Variants in ENTREP2 observed in about 807,000 individuals in gnomAD.
ENTREP2 encodes protein ENTREP2.
At chr15:29,469,067 G>C in the ENTREP2 span, among the ~76,000 whole-genome samples, 1 of 151,472 alleles carries the variant, frequency 6.6e-6, no homozygotes, top group Non-Finnish European at 1.5e-5. Flanking sequence ...ACCCCATCCC[G>C]ATAGCCCCCT....
the ENTREP2 span, among the ~76,000 whole-genome samples, chr15:29,548,640 A>T: frequency 6.6e-6 from 1 of 152,200 alleles, no homozygotes; most frequent in Admixed American, 6.5e-5. Flanking sequence ...TAGTAAAACT[A>T]TTAAAGAAGA....
the ENTREP2 span, among the ~76,000 whole-genome samples, chr15:29,175,961 C>T: frequency 3.3e-5 from 5 of 152,332 alleles, no homozygotes; most frequent in South Asian, 8.3e-4. Context: ...CTCATGACTA[C>T]TTCTTTTACT....
chr15:29,502,046 A>C, the ENTREP2 span, among the ~76,000 whole-genome samples: 1 of 152,032 alleles, frequency 6.6e-6, no homozygotes. Context: ...AAATATATCT[A>C]ATGTTAATGG....
the ENTREP2 span, among the ~76,000 whole-genome samples, chr15:29,179,060 A>G: frequency 6.6e-6 from 1 of 152,188 alleles, no homozygotes. Flanking sequence ...TGTATTTGTT[A>G]TATGTTTATG....
chr15:29,277,012 GA>G, the ENTREP2 span, among the ~76,000 whole-genome samples: 5 of 152,286 alleles, frequency 3.3e-5, no homozygotes, highest in East Asian at 9.7e-4. Context: ...AGGGGTAAGG[GA>G]GAGACAAATT....
chr15:29,152,612 C>T, the ENTREP2 span, among the ~76,000 whole-genome samples: 1 of 152,310 alleles, frequency 6.6e-6, no homozygotes, highest in South Asian at 2.1e-4. Context: ...TAGTTGACTT[C>T]TTTTTATTGC....
chr15:29,427,611 G>C, the ENTREP2 span, among the ~76,000 whole-genome samples: 1 of 151,880 alleles, frequency 6.6e-6, no homozygotes, highest in Non-Finnish European at 1.5e-5. Flanking sequence ...TTCCATCCTC[G>C]CCTCTCCTTC....
the ENTREP2 span, among the ~76,000 whole-genome samples, chr15:29,167,960 G>A: frequency 1.3e-5 from 2 of 152,154 alleles, no homozygotes; most frequent in South Asian, 2.1e-4. Context: ...AAGGAACGGT[G>A]GTATATATAT....
the ENTREP2 span, among the ~76,000 whole-genome samples, chr15:29,564,287 C>T: frequency 6.6e-6 from 1 of 152,230 alleles, no homozygotes; most frequent in South Asian, 2.1e-4. Context: ...AGCTCTAGAA[C>T]TTTGAAGTCC....
chr15:29,663,529 A>G, the ENTREP2 span, among the ~76,000 whole-genome samples: 2 of 152,228 alleles, frequency 1.3e-5, no homozygotes, highest in Non-Finnish European at 2.9e-5. Context: ...AATACTGTGC[A>G]GCCATAAAAA....
At chr15:29,332,473 T>C in the ENTREP2 span, among the ~76,000 whole-genome samples, 1 of 152,320 alleles carries the variant, frequency 6.6e-6, no homozygotes, top group South Asian at 2.1e-4. Flanking sequence ...CTAAAAAGCT[T>C]TGAGTTTTTT....
the ENTREP2 span, among the ~76,000 whole-genome samples, chr15:29,250,268 A>T: frequency 6.6e-6 from 1 of 152,178 alleles, no homozygotes; most frequent in Non-Finnish European, 1.5e-5. Flanking sequence ...CCCCAAGCAA[A>T]TGAACACACT....
At chr15:29,266,287 C>T in the ENTREP2 span, 1 of 152,124 alleles carries the variant, frequency 6.6e-6, no homozygotes, top group African/African-American at 2.4e-5. Context: ...ACTGAAAAGG[C>T]CAAGTGTTCA....
chr15:29,671,866 T>C, the ENTREP2 span, among the ~76,000 whole-genome samples: 1 of 152,084 alleles, frequency 6.6e-6, no homozygotes, highest in South Asian at 2.1e-4. Flanking sequence ...TGCCACAGTG[T>C]CCCCCAAGGA....
the ENTREP2 span, among the ~76,000 whole-genome samples, chr15:29,652,548 G>A: frequency 5.3e-5 from 8 of 152,348 alleles, no homozygotes; most frequent in East Asian, 1.9e-4. Context: ...CCTTTAGGGA[G>A]CCCAGACCTG....
the ENTREP2 span, among the ~76,000 whole-genome samples, chr15:29,157,288 C>A: frequency 6.6e-6 from 1 of 152,230 alleles, no homozygotes; most frequent in Non-Finnish European, 1.5e-5. Context: ...CTTCACCTTG[C>A]GGATGTCCTT....
chr15:29,412,825 TTATG>T, the ENTREP2 span, among the ~76,000 whole-genome samples: 1 of 152,096 alleles, frequency 6.6e-6, no homozygotes, highest in African/African-American at 2.4e-5. Flanking sequence ...ATTTCTATTC[TTATG>T]TATTATGTTC....
At chr15:29,653,495 T>C in the ENTREP2 span, among the ~76,000 whole-genome samples, 1 of 152,184 alleles carries the variant, frequency 6.6e-6, no homozygotes. Context: ...GGTAACTGAA[T>C]CATGGGGCAG....
chr15:29,486,935 T>C, the ENTREP2 span, among the ~76,000 whole-genome samples: 8 of 152,268 alleles, frequency 5.3e-5, 1 homozygote, highest in East Asian at 1.5e-3. Flanking sequence ...GGATACAAAG[T>C]TGCAGCTAGA....
Sources: allele counts gnomAD v4.1 joint callset (sites outside exome capture counted in the v4.1 genomes callset), GRCh38; gene constraint gnomAD v4.1.1; transcripts MANE v1.5; gene names NCBI Gene and HGNC (gene_info 2026-07-23, HGNC 2026-07-21).